Variants in RANBP2 observed in about 807,000 individuals in gnomAD.
The protein encoded by RANBP2 is RAN binding protein 2, also known as E3 SUMO-protein ligase RanBP2.
A neutral mutation model predicts 303.6 loss-of-function variants in RANBP2; 57 were observed. The ratio of observed to expected loss-of-function variants is 0.19; its 90% CI spans 0.15 to 0.23. RANBP2 has a LOEUF of 0.23. Among genes scored for constraint, RANBP2 ranks in the 10% least tolerant of loss-of-function variants. RANBP2 has a pLI of 1.00. For missense variants in RANBP2, 3,138 were observed against 3,780.8 expected, an observed-to-expected ratio of 0.83 and a Z score of 4.46; for synonymous variants, 1,167 against 1,301.5, an observed-to-expected ratio of 0.90 and a Z score of 2.23.
the RANBP2 span, among the ~76,000 whole-genome samples, chr2:108,841,485 A>G: frequency 3.3e-5 from 5 of 152,088 alleles, no homozygotes; most frequent in Admixed American, 3.3e-4. Flanking sequence ...CCTTTTTATC[A>G]TTTTATAATG....
At chr2:109,636,275 T>G in the RANBP2 span, among the ~76,000 whole-genome samples, 2 of 152,242 alleles carry the variant, frequency 1.3e-5, no homozygotes, top group Non-Finnish European at 2.9e-5. Flanking sequence ...TTTAGAACTC[T>G]CATGGTTTTT....
At position 108,753,538 on chromosome 2, in the gene RANBP2, T is replaced by C. The variant is rs1201136814; in HGVS notation, c.2030T>C (p.Val677Ala). 6.2e-7 allele frequency: 1 copy of C among 1,611,668 alleles called. No homozygotes were observed. Among genetic ancestry groups the C allele is most frequent in the African/African-American group, 1.3e-5 (1 of 74,834 alleles). The change falls in exon 14 of 29, where the codon GTT becomes GCT. Residue 677 changes from valine to alanine, a missense_variant. This residue lies in a region of RANBP2 where 194 missense variants were observed against 197.4 expected (regional missense o/e 0.98). Transcript: ENST00000283195. ...ACTGCTTTTGAATCTATAAAAAGTG[T>C]TGTTTCTTATTGGAATCTTGCACTG... ...AVTAFESIKS[V>A]VSYWNLALIF... is the part of the protein sequence containing the mutation.
the RANBP2 span, among the ~76,000 whole-genome samples, chr2:109,540,856 T>C: frequency 2.6e-5 from 4 of 152,056 alleles, no homozygotes; most frequent in African/African-American, 9.7e-5. Context: ...TGATGTACCT[T>C]TTCCCATCTT....
At chr2:108,829,784 T>C in the RANBP2 span, among the ~76,000 whole-genome samples, 1 of 152,068 alleles carries the variant, frequency 6.6e-6, no homozygotes, top group Non-Finnish European at 1.5e-5. Flanking sequence ...TACATACAAG[T>C]GTTGGCAAGG....
the RANBP2 span, among the ~76,000 whole-genome samples, chr2:109,057,977 C>T: frequency 1.3e-5 from 2 of 152,152 alleles, no homozygotes; most frequent in East Asian, 3.9e-4. Context: ...CAAGGAGGGG[C>T]CTTTGTGGCT....
At chr2:109,664,639 C>A in the RANBP2 span, among the ~76,000 whole-genome samples, 8 of 150,378 alleles carry the variant, frequency 5.3e-5, no homozygotes, top group Admixed American at 2.0e-4. Context: ...ATAAAAATAT[C>A]TCAATGTGGG....
Position 108,736,356 on chromosome 2 carries a change from C to T in RANBP2, c.782+107C>T, listed in dbSNP as rs1435572226. On this transcript the variant is annotated intron_variant, in intron 6 of 28. Transcript: ENST00000283195. The stretch of plus-strand genomic sequence containing the variant: ...ACTGAATCATTATTTGTATAATGTA[C>T]CTAGGAGTTATAGTTAATACAGTGA... The T allele has an allele frequency of 3.1e-6, 5 of 1,592,076 alleles. No homozygotes were observed. In the African/African-American group the frequency reaches 5.4e-5, roughly 17 times the overall value.
chr2:109,627,127 A>G, the RANBP2 span, among the ~76,000 whole-genome samples: 5 of 152,040 alleles, frequency 3.3e-5, no homozygotes, highest in Non-Finnish European at 5.9e-5. Flanking sequence ...ATCTGTGAAT[A>G]CCCACTGCAC....
the RANBP2 span, among the ~76,000 whole-genome samples, chr2:109,679,996 G>A: frequency 8.0e-4 from 121 of 152,176 alleles, no homozygotes; most frequent in East Asian, 0.019. Flanking sequence ...GTGAAAGACA[G>A]CGGGCAGTTT....
chr2:108,863,569 A>C, the RANBP2 span, among the ~76,000 whole-genome samples: 1 of 152,204 alleles, frequency 6.6e-6, no homozygotes, highest in South Asian at 2.1e-4. Context: ...TTTATGTAGT[A>C]AAACTCCTAG....
At chr2:109,526,353 G>T in the RANBP2 span, among the ~76,000 whole-genome samples, 1 of 152,132 alleles carries the variant, frequency 6.6e-6, no homozygotes, top group South Asian at 2.1e-4. Flanking sequence ...TGTCGCCCAA[G>T]CTGGAGTGCA....
the RANBP2 span, among the ~76,000 whole-genome samples, chr2:109,730,200 A>C: frequency 3.9e-5 from 6 of 152,246 alleles, no homozygotes; most frequent in East Asian, 1.2e-3. Flanking sequence ...ATGTTATATC[A>C]CTTTGAGGAA....
the RANBP2 span, among the ~76,000 whole-genome samples, chr2:109,240,600 C>T: frequency 6.6e-6 from 1 of 152,156 alleles, no homozygotes; most frequent in Non-Finnish European, 1.5e-5. Context: ...ATAGGTTTTT[C>T]ATTGCTGCAG....
the RANBP2 span, among the ~76,000 whole-genome samples, chr2:109,506,529 A>C: frequency 1.3e-5 from 2 of 152,204 alleles, no homozygotes; most frequent in Non-Finnish European, 2.9e-5. Context: ...GGGGCAGGAC[A>C]GGGTGGGGGC....
At chr2:109,593,987 A>G in the RANBP2 span, among the ~76,000 whole-genome samples, 1 of 152,204 alleles carries the variant, frequency 6.6e-6, no homozygotes, top group African/African-American at 2.4e-5. Flanking sequence ...CACAGCCTAG[A>G]TGAAAAAATT....
At chr2:108,959,716 T>C in the RANBP2 span, among the ~76,000 whole-genome samples, 1 of 152,060 alleles carries the variant, frequency 6.6e-6, no homozygotes, top group African/African-American at 2.4e-5. Context: ...GATTTCGCCT[T>C]TCCCCAGCGT....
the RANBP2 span, among the ~76,000 whole-genome samples, chr2:109,286,959 C>T: frequency 7.2e-3 from 1,092 of 152,284 alleles, 3 homozygotes; most frequent in Non-Finnish European, 0.012. Context: ...CAGGTGGTTC[C>T]GCCATCCTCC....
chr2:108,976,566 T>C, the RANBP2 span, among the ~76,000 whole-genome samples: 1 of 152,208 alleles, frequency 6.6e-6, no homozygotes, highest in Non-Finnish European at 1.5e-5. Flanking sequence ...GGGCACAGCA[T>C]CTACATGAAT....
the RANBP2 span, among the ~76,000 whole-genome samples, chr2:109,211,456 G>A: frequency 1.3e-5 from 2 of 152,268 alleles, no homozygotes; most frequent in Admixed American, 6.5e-5. Context: ...AGTAGGGGCC[G>A]TGTCTGAGAA....
Sources: gnomAD v4.1 joint callset for allele counts (sites outside exome capture counted in the v4.1 genomes callset) on GRCh38, gnomAD v4.1.1 for gene constraint, gnomAD v4.1.1 regional missense constraint, MANE v1.5 for transcripts, NCBI Gene and HGNC (gene_info 2026-07-23, HGNC 2026-07-21) for gene names.